Variants in CRIM1 observed in about 807,000 individuals in gnomAD.
CRIM1 encodes the protein cysteine rich transmembrane BMP regulator 1.
Under a neutral mutation model 116.4 loss-of-function variants are expected in CRIM1, and 32 were observed. That is an observed-to-expected ratio of 0.27 (90% CI 0.21 to 0.37). CRIM1 has a LOEUF of 0.37. CRIM1 is among the 10% of genes least tolerant of loss of function. CRIM1 has a pLI of 1.00. For synonymous variants in CRIM1, 590 were observed against 509.2 expected, an observed-to-expected ratio of 1.16 and a Z score of -2.13; for missense variants, 1,331 against 1,354.8, an observed-to-expected ratio of 0.98 and a Z score of 0.28.
chr2:36,362,489 A>T (rs571959220), intron 1 of CRIM1, among the ~76,000 whole-genome samples: 1 of 152,214 alleles, frequency 6.6e-6, no homozygotes. Context: ...CAAAACGGCA[A>T]GTTTCCTTTT....
intron 1 of CRIM1, among the ~76,000 whole-genome samples, chr2:36,374,618 A>G (rs1670179838): frequency 6.6e-6 from 1 of 152,172 alleles, no homozygotes; most frequent in Non-Finnish European, 1.5e-5. Flanking sequence ...TACTGACTGC[A>G]GTGTTACTCC....
chr2:36,500,879 A>G (rs1439628709), intron 8 of CRIM1, among the ~76,000 whole-genome samples: 2 of 152,332 alleles, frequency 1.3e-5, no homozygotes, highest in African/African-American at 2.4e-5. Flanking sequence ...ATATATTGCA[A>G]AATACATCAG....
At chr2:36,382,577 G>A (rs901831289) in intron 1 of CRIM1, among the ~76,000 whole-genome samples, 4 of 152,182 alleles carry the variant, frequency 2.6e-5, no homozygotes, top group African/African-American at 9.6e-5. Flanking sequence ...AAATGTCGTG[G>A]TTATGGCACT....
chr2:36,450,427 C>T (rs75924432), intron 4 of CRIM1, among the ~76,000 whole-genome samples: 6 of 152,194 alleles, frequency 3.9e-5, no homozygotes, highest in Admixed American at 1.3e-4. Flanking sequence ...TACATTTAAT[C>T]GTGCATACAC....
chr2:36,467,398 A>G (rs528874741), intron 5 of CRIM1, among the ~76,000 whole-genome samples: 44 of 152,334 alleles, frequency 2.9e-4, no homozygotes, highest in Middle Eastern at 6.8e-3. Flanking sequence ...ACACATATAT[A>G]TTGATAGATG....
At chr2:36,435,330 C>CTGTATG (rs1675218796) in intron 2 of CRIM1, among the ~76,000 whole-genome samples, 1 of 149,868 alleles carries the variant, frequency 6.7e-6, no homozygotes, top group African/African-American at 2.5e-5. Flanking sequence ...GTGTATCTCA[C>CTGTATG]TGTGTGTGTG....
At chr2:36,478,821 G>T (rs1052856512) in intron 6 of CRIM1, among the ~76,000 whole-genome samples, 15 of 146,942 alleles carry the variant, frequency 1.0e-4, no homozygotes, top group Admixed American at 2.1e-4. Context: ...TTATATACTT[G>T]TCAGTAACCT....
At chr2:36,426,074 G>A (rs1393631315) in intron 2 of CRIM1, among the ~76,000 whole-genome samples, 1 of 152,214 alleles carries the variant, frequency 6.6e-6, no homozygotes, top group Non-Finnish European at 1.5e-5. Flanking sequence ...TGATGGGAGT[G>A]CAGAGGAATA....
chr2:36,464,398 A>G (rs530023765), intron 4 of CRIM1, 136 bp from the exon 5 acceptor site: 2 of 845,988 alleles, frequency 2.4e-6, no homozygotes, highest in East Asian at 4.9e-5. Flanking sequence ...CCCATTTCCC[A>G]GTGACACCAG....
At chr2:36,487,001 C>T (rs1679870301) in intron 7 of CRIM1, among the ~76,000 whole-genome samples, 2 of 152,134 alleles carry the variant, frequency 1.3e-5, no homozygotes, top group Admixed American at 1.3e-4. Context: ...GAAAAGATTC[C>T]ATCTTCTTTA....
intron 16 of CRIM1, among the ~76,000 whole-genome samples, chr2:36,548,261 A>G (rs898558813): frequency 7.4e-6 from 1 of 134,442 alleles, no homozygotes; most frequent in Non-Finnish European, 1.6e-5. Flanking sequence ...AAATCATTTC[A>G]CCAGTCTTTT....
At chr2:36,406,572 T>C (rs1672812535) in intron 2 of CRIM1, among the ~76,000 whole-genome samples, 1 of 151,810 alleles carries the variant, frequency 6.6e-6, no homozygotes, top group South Asian at 2.1e-4. Flanking sequence ...GGACTTAGTG[T>C]TTTAAACTTG....
intron 1 of CRIM1, among the ~76,000 whole-genome samples, chr2:36,388,644 C>A (rs776632021): frequency 6.6e-6 from 1 of 152,170 alleles, no homozygotes; most frequent in African/African-American, 2.4e-5. Context: ...CTCTCCATTA[C>A]ACCATCCCCC....
At chr2:36,411,871 C>T (rs577355738) in intron 2 of CRIM1, among the ~76,000 whole-genome samples, 25 of 152,234 alleles carry the variant, frequency 1.6e-4, no homozygotes, top group African/African-American at 4.8e-4. Flanking sequence ...TTGTAAATAG[C>T]TTATAGAGGA....
rs184609888 is a variant in CRIM1 at position 36,451,308 on chromosome 2, C to T, written c.869+8573C>T. ...AGGAAACACACAACATGCACACACA[C>T]ACACAGTCATCTGCCCTCAAGGAAA... On this transcript the variant is annotated intron_variant, in intron 4 of 16. Transcript: ENST00000280527. Among the ~76,000 whole-genome samples the T allele has an allele frequency of 6.6e-5, 10 of 152,290 alleles. No homozygotes were observed. The East Asian group carries it at 1.4e-3, about 21-fold the overall frequency.
At chr2:36,370,291 G>A (rs929253384) in intron 1 of CRIM1, among the ~76,000 whole-genome samples, 3 of 151,280 alleles carry the variant, frequency 2.0e-5, no homozygotes, top group African/African-American at 7.3e-5. Flanking sequence ...AGAAGCAGCA[G>A]AAATTTACAG....
chr2:36,497,083 A>G (rs1026729638), intron 7 of CRIM1, among the ~76,000 whole-genome samples: 2 of 152,206 alleles, frequency 1.3e-5, no homozygotes, highest in African/African-American at 4.8e-5. Flanking sequence ...AATCTTCAGT[A>G]TATACTTTTC....
chr2:36,532,060 G>A (rs146456745), intron 13 of CRIM1: 10,661 of 465,576 alleles, frequency 0.023, 325 homozygotes, highest in South Asian at 0.078. Flanking sequence ...TGAATCTGAC[G>A]GATAAGATAG....
chr2:36,441,159 C>G, intron 2 of CRIM1, 99 bp from the exon 3 acceptor site: 5 of 1,501,680 alleles, frequency 3.3e-6, no homozygotes, highest in Non-Finnish European at 4.5e-6. Flanking sequence ...CTACCGTCCT[C>G]TTTGGCTACT....
Sources: gnomAD v4.1 joint callset for allele counts (sites outside exome capture counted in the v4.1 genomes callset) on GRCh38, gnomAD v4.1.1 for gene constraint, MANE v1.5 for transcripts, NCBI Gene and HGNC (gene_info 2026-07-23, HGNC 2026-07-21) for gene names.